MAP2K5: variants seen among roughly 807,000 people sequenced by gnomAD.
MAP2K5 encodes dual specificity mitogen-activated protein kinase kinase 5.
A neutral mutation model predicts 83.1 loss-of-function variants in MAP2K5; 49 were observed. The observed-to-expected ratio is 0.59, with a 90% CI of 0.47 to 0.75. MAP2K5 has a LOEUF of 0.75. MAP2K5 is among the 30% of genes least tolerant of loss of function. The pLI is 0.00. For synonymous variants in MAP2K5, 202 were observed against 191.8 expected, an observed-to-expected ratio of 1.05 and a Z score of -0.44; for missense variants, 457 against 557.5, an observed-to-expected ratio of 0.82 and a Z score of 1.82.
chr15:67,743,209 G>A (rs918680076), intron 17 of MAP2K5, among the ~76,000 whole-genome samples: 3 of 152,166 alleles, frequency 2.0e-5, no homozygotes, highest in East Asian at 1.9e-4. Context: ...TGAGATTTGC[G>A]CCAGAGAGAA....
chr15:67,664,341 A>AAG (rs1422475271), intron 12 of MAP2K5, among the ~76,000 whole-genome samples: 1 of 149,880 alleles, frequency 6.7e-6, no homozygotes, highest in Non-Finnish European at 1.5e-5. Flanking sequence ...ACCAAAAAAA[A>AAG]AAAAAAAAAA....
intron 7 of MAP2K5, among the ~76,000 whole-genome samples, chr15:67,598,002 C>G (rs937139263): frequency 6.6e-6 from 1 of 151,906 alleles, no homozygotes; most frequent in Non-Finnish European, 1.5e-5. Context: ...GTCAGGAGTT[C>G]GAGACCAGCC....
intron 13 of MAP2K5, among the ~76,000 whole-genome samples, chr15:67,669,346 G>C (rs978697594): frequency 6.6e-6 from 1 of 152,112 alleles, no homozygotes; most frequent in Non-Finnish European, 1.5e-5. Flanking sequence ...ATTGAGGTTA[G>C]GGGAAGCAAA....
chr15:67,613,898 A>C (rs2085993535), intron 8 of MAP2K5, among the ~76,000 whole-genome samples: 1 of 151,890 alleles, frequency 6.6e-6, no homozygotes, highest in African/African-American at 2.4e-5. Context: ...CCACTAGGGT[A>C]CTATTTAGTG....
rs1213865227 is a variant in MAP2K5 at position 67,637,926 on chromosome 15, G to GTGTC, written c.585+7002_585+7003insCTGT. Among the ~76,000 whole-genome samples, 3 of 150,834 alleles carry GTGTC rather than the reference G, an allele frequency of 2.0e-5. No homozygotes were observed. Among genetic ancestry groups the GTGTC allele is most frequent in the African/African-American group, 7.3e-5 (3 of 41,054 alleles). On this transcript the variant is annotated intron_variant, in intron 9 of 21. Transcript: ENST00000178640. This position sits in a 1 kb window ranked among gnomAD's most constrained non-coding sequence, Gnocchi z 4.5. ...AGCCTGTTGATGTGTGTGTGAGTGT[G>GTGTC]TGTGTATGTGTGTTTTAGTACCTCT...
chr15:67,716,472 T>C lies in MAP2K5; in HGVS notation c.1045-11444T>C, dbSNP rs576641661. Reference sequence around the variant, plus strand: ...TGGTGACATGTCTCAACACTAAAATTCTGAGTCTATGATAATTTTGGGAAC... The same window carrying C: ...TGGTGACATGTCTCAACACTAAAATCCTGAGTCTATGATAATTTTGGGAAC... On this transcript the variant is annotated intron_variant, in intron 16 of 21. Coordinates refer to ENST00000178640, the MANE Select transcript of MAP2K5 (RefSeq NM_145160.3). Among the ~76,000 whole-genome samples the C allele has an allele frequency of 1.6e-4, 25 of 152,334 alleles. No individual in the cohort carries two copies. In the South Asian group the frequency reaches 5.2e-3, roughly 32 times the overall value.
rs1386074126 is a variant in MAP2K5 at position 67,636,830 on chromosome 15, A to C, written c.585+5903A>C. Among the ~76,000 whole-genome samples, 1 of 152,184 alleles carries C rather than the reference A, an allele frequency of 6.6e-6. No homozygotes were observed. Among genetic ancestry groups the C allele is most frequent in the Non-Finnish European group, 1.5e-5 (1 of 68,028 alleles). ...AAGGTGTTAATATTCAGAGAGATTA[A>C]CATTTGAGTTAATGTTAACGTAAGA... On this transcript the variant is annotated intron_variant, in intron 9 of 21. Transcript: ENST00000178640. The surrounding 1 kb of genome is among the most constrained non-coding windows in gnomAD (Gnocchi z 4.7).
chr15:67,738,518 A>G lies in MAP2K5; in HGVS notation c.1075-9713A>G, dbSNP rs529451330. Among the ~76,000 whole-genome samples the G allele has an allele frequency of 6.6e-6, 1 of 152,358 alleles. No homozygotes were observed. Among genetic ancestry groups the G allele is most frequent in the South Asian group, 2.1e-4 (1 of 4,832 alleles). On this transcript the variant is annotated intron_variant, in intron 17 of 21. Coordinates refer to ENST00000178640, the MANE Select transcript of MAP2K5 (RefSeq NM_145160.3). The surrounding 1 kb of genome is among the most constrained non-coding windows in gnomAD (Gnocchi z 4.1). ...GACAGTATATGATTTCTACCCAAACATACGCACAGAGCTAACCTGAGTTCT... is the reference window on the plus strand; with the variant it reads ...GACAGTATATGATTTCTACCCAAACGTACGCACAGAGCTAACCTGAGTTCT...
chr15:67,740,677 T>G (rs1392326294), intron 17 of MAP2K5, among the ~76,000 whole-genome samples: 1 of 152,180 alleles, frequency 6.6e-6, no homozygotes, highest in Admixed American at 6.5e-5. Flanking sequence ...TCAGTAAGAT[T>G]TATATACTTC....
chr15:67,598,512 C>T (rs1034325123), intron 7 of MAP2K5, among the ~76,000 whole-genome samples: 5 of 152,172 alleles, frequency 3.3e-5, no homozygotes, highest in African/African-American at 1.2e-4. Context: ...CTCCCTCTCC[C>T]CTCCTCCTCC....
In MAP2K5 at chr15:67,555,753, T is replaced by C. The variant is rs190888849; in HGVS notation, c.184+5671T>C. Among the ~76,000 whole-genome samples, 216 of 152,180 alleles carry C rather than the reference T, an allele frequency of 1.4e-3. No individual in the cohort carries two copies. Among genetic ancestry groups the C allele is most frequent in the African/African-American group, 5.1e-3 (212 of 41,506 alleles). On this transcript the variant is annotated intron_variant, in intron 2 of 21. Coordinates refer to ENST00000178640, the MANE Select transcript of MAP2K5 (RefSeq NM_145160.3). The surrounding 1 kb of genome is among the most constrained non-coding windows in gnomAD (Gnocchi z 5.2). ...TTTAAATTGTAAATGAGCTTGAATA[T>C]CTTCTCATTTGTATTTGGCTATTTG...
chr15:67,648,985 T>C (rs2086896123), intron 11 of MAP2K5, among the ~76,000 whole-genome samples: 1 of 152,228 alleles, frequency 6.6e-6, no homozygotes, highest in Non-Finnish European at 1.5e-5. Context: ...CCAATCTGTT[T>C]TACACCACTT....
intron 11 of MAP2K5, among the ~76,000 whole-genome samples, chr15:67,647,803 A>G (rs1337096516): frequency 6.6e-6 from 1 of 152,076 alleles, no homozygotes; most frequent in Non-Finnish European, 1.5e-5. Flanking sequence ...TGGGAGGTGG[A>G]GGTTGCAGTG....
chr15:67,623,209 G>A (rs1465228711), intron 8 of MAP2K5, among the ~76,000 whole-genome samples: 3 of 152,156 alleles, frequency 2.0e-5, no homozygotes, highest in Non-Finnish European at 4.4e-5. Context: ...GCCTTCTCAT[G>A]ATTGTTTAGT....
At chr15:67,624,638 TGA>T (rs1339665719) in intron 8 of MAP2K5, among the ~76,000 whole-genome samples, 75 of 110,154 alleles carry the variant, frequency 6.8e-4, no homozygotes, top group Middle Eastern at 9.3e-3. Context: ...TGTGTGTGTG[TGA>T]GTGTGTTTGA....
In MAP2K5 at chr15:67,764,568, A is replaced by G. The variant is rs1270792441; in HGVS notation, c.1135-5034A>G. ...TACATCTTATCCCTCTGAACAATACACAAATTCTTTGAGGATATGGATTAA... is the reference window on the plus strand; with the variant it reads ...TACATCTTATCCCTCTGAACAATACGCAAATTCTTTGAGGATATGGATTAA... On this transcript the variant is annotated intron_variant, in intron 19 of 21. Coordinates refer to ENST00000178640, the MANE Select transcript of MAP2K5 (RefSeq NM_145160.3). This position sits in a 1 kb window ranked among gnomAD's most constrained non-coding sequence, Gnocchi z 4.9. 1.3e-5 allele frequency among the ~76,000 whole-genome samples: 2 copies of G among 152,162 alleles called. No individual in the cohort carries two copies. The highest frequency in any genetic ancestry group is 2.9e-5 in the Non-Finnish European group (2 of 68,038).
intron 15 of MAP2K5, among the ~76,000 whole-genome samples, chr15:67,696,438 A>G (rs1179523569): frequency 6.6e-6 from 1 of 152,154 alleles, no homozygotes; most frequent in Non-Finnish European, 1.5e-5. Flanking sequence ...CATGAAAAAT[A>G]TTTACTAGCT....
chr15:67,806,453 A>G (rs1481592611), intron 21 of MAP2K5, among the ~76,000 whole-genome samples, 193 bp from the exon 22 acceptor site: 1 of 152,206 alleles, frequency 6.6e-6, no homozygotes, highest in East Asian at 1.9e-4. Flanking sequence ...CTTGGTGCTG[A>G]CTACCAGTAT....
intron 20 of MAP2K5, among the ~76,000 whole-genome samples, 193 bp from the exon 21 acceptor site, chr15:67,772,514 G>T (rs949145230): frequency 6.6e-6 from 1 of 152,068 alleles, no homozygotes; most frequent in Non-Finnish European, 1.5e-5. Flanking sequence ...TACTCATAAT[G>T]TCCCCCAGAA....
Sources: allele counts gnomAD v4.1 joint callset (sites outside exome capture counted in the v4.1 genomes callset), GRCh38; gene constraint gnomAD v4.1.1; non-coding constraint Gnocchi (gnomAD v3.1); transcripts MANE v1.5; gene names NCBI Gene and HGNC (gene_info 2026-07-23, HGNC 2026-07-21).